Variants in CTNNA3 observed in about 807,000 individuals in gnomAD.
The protein encoded by CTNNA3 is catenin alpha 3.
Under a neutral mutation model 95.7 loss-of-function variants are expected in CTNNA3, and 76 were observed. That is an observed-to-expected ratio of 0.79 (90% confidence interval 0.66 to 0.96). The LOEUF is 0.96. Ranked by LOEUF, CTNNA3 falls within the 40% of genes least tolerant of loss-of-function variation. The pLI is 0.00. For synonymous variants in CTNNA3, 431 were observed against 374.4 expected (o/e 1.15, Z -1.74); for missense variants, 1,191 against 1,089.8 (o/e 1.09, Z -1.31).
At chr10:66,641,066 T>C (rs1248185008) in intron 9 of CTNNA3, among the ~76,000 whole-genome samples, 1 of 152,174 alleles carries the variant, frequency 6.6e-6, no homozygotes, top group Non-Finnish European at 1.5e-5. Context: ...TAGAAGTATA[T>C]GTATATATGT....
chr10:66,080,425 T>C (rs954096545), intron 14 of CTNNA3, among the ~76,000 whole-genome samples: 2 of 152,188 alleles, frequency 1.3e-5, no homozygotes, highest in South Asian at 4.1e-4. Flanking sequence ...GTCATTTGTG[T>C]ACATGTGAAG....
At chr10:67,620,923 G>GTGTATATATATATATATATATATATATA (rs1402402526) in intron 2 of CTNNA3, among the ~76,000 whole-genome samples, 5 of 123,826 alleles carry the variant, frequency 4.0e-5, no homozygotes, top group African/African-American at 1.2e-4. Flanking sequence ...GTGTGTGTGT[G>GTGTATATATATATATATATATATATATA]TATATATATA....
intron 5 of CTNNA3, among the ~76,000 whole-genome samples, chr10:67,262,676 C>T (rs1312367580): frequency 6.6e-6 from 1 of 152,002 alleles, no homozygotes; most frequent in African/African-American, 2.4e-5. Context: ...AAAGGCTGTC[C>T]GTGGATCTTT....
At chr10:66,220,233 GCA>G (rs72176695) in intron 13 of CTNNA3, among the ~76,000 whole-genome samples, 32,171 of 152,094 alleles carry the variant, frequency 0.21, 3,582 homozygotes, top group South Asian at 0.29. Flanking sequence ...GTGGTTTTAA[GCA>G]CAGTTTAGAT....
At chr10:67,158,285 T>TGGC (rs1861394510) in intron 7 of CTNNA3, among the ~76,000 whole-genome samples, 1 of 152,000 alleles carries the variant, frequency 6.6e-6, no homozygotes, top group East Asian at 1.9e-4. Flanking sequence ...AATTATATAA[T>TGGC]ACTATAGGCC....
At chr10:66,760,605 T>C (rs1839563248) in intron 9 of CTNNA3, among the ~76,000 whole-genome samples, 2 of 152,162 alleles carry the variant, frequency 1.3e-5, no homozygotes, top group Non-Finnish European at 2.9e-5. Context: ...CATTTGAAAA[T>C]ATCTATACTT....
chr10:67,208,522 G>C (rs953574125), intron 6 of CTNNA3, among the ~76,000 whole-genome samples: 2 of 151,928 alleles, frequency 1.3e-5, no homozygotes, highest in Non-Finnish European at 2.9e-5. Flanking sequence ...GACCAGAAAA[G>C]AAAGCCAAAA....
intron 5 of CTNNA3, among the ~76,000 whole-genome samples, chr10:67,237,662 G>A (rs1047655592): frequency 5.9e-5 from 9 of 152,170 alleles, no homozygotes; most frequent in African/African-American, 1.4e-4. Context: ...ATGAAAAGGC[G>A]AGGAAGGTGC....
chr10:66,408,654 C>A (rs2093076300), intron 11 of CTNNA3, among the ~76,000 whole-genome samples: 1 of 152,122 alleles, frequency 6.6e-6, no homozygotes, highest in Admixed American at 6.5e-5. Flanking sequence ...TCCATTTATT[C>A]TTTCAATAAT....
chr10:66,842,461 G>A (rs1450560717), intron 7 of CTNNA3, among the ~76,000 whole-genome samples: 1 of 152,150 alleles, frequency 6.6e-6, no homozygotes, highest in Non-Finnish European at 1.5e-5. Flanking sequence ...ATGAATCAAT[G>A]CCAGTAACCC....
intron 1 of CTNNA3, among the ~76,000 whole-genome samples, chr10:67,724,339 T>C (rs1279850306): frequency 1.3e-5 from 2 of 152,188 alleles, no homozygotes; most frequent in African/African-American, 4.8e-5. Context: ...ATCCCTGGTA[T>C]ATGGTATCTC....
chr10:66,595,411 T>G (rs2132240720), intron 10 of CTNNA3, among the ~76,000 whole-genome samples: 1 of 152,178 alleles, frequency 6.6e-6, no homozygotes, highest in African/African-American at 2.4e-5. Context: ...TGGCGCGTTC[T>G]TGGCTCACTG....
chr10:66,333,246 T>C (rs1355719903), intron 12 of CTNNA3, among the ~76,000 whole-genome samples: 1 of 152,122 alleles, frequency 6.6e-6, no homozygotes, highest in Non-Finnish European at 1.5e-5. Flanking sequence ...TGCTCTGATC[T>C]TAGTTATTTC....
chr10:66,387,108 A>C (rs1363032399), intron 11 of CTNNA3, among the ~76,000 whole-genome samples: 1 of 152,206 alleles, frequency 6.6e-6, no homozygotes, highest in East Asian at 1.9e-4. Context: ...GATCTAATTA[A>C]ACTGAAGAGC....
intron 7 of CTNNA3, among the ~76,000 whole-genome samples, chr10:66,895,926 AAAAAAAAAAG>A (rs1207372351): frequency 1.8e-4 from 27 of 151,198 alleles, no homozygotes; most frequent in African/African-American, 6.5e-4. Context: ...AAAAAAAAAA[AAAAAAAAAAG>A]AACACACAGA....
chr10:66,826,427 C>T (rs1020470476), intron 7 of CTNNA3, among the ~76,000 whole-genome samples: 5 of 152,120 alleles, frequency 3.3e-5, no homozygotes, highest in African/African-American at 1.2e-4. Flanking sequence ...CAGGCTCACA[C>T]CATCACGTCT....
At chr10:66,028,400 G>A (rs570768046) in intron 15 of CTNNA3, among the ~76,000 whole-genome samples, 2 of 152,290 alleles carry the variant, frequency 1.3e-5, no homozygotes, top group African/African-American at 4.8e-5. Context: ...ATGCACCATG[G>A]AATACTATGC....
intron 10 of CTNNA3, among the ~76,000 whole-genome samples, chr10:66,573,511 A>G (rs1842926861): frequency 6.6e-6 from 1 of 152,186 alleles, no homozygotes; most frequent in African/African-American, 2.4e-5. Context: ...AAAGTGCTTC[A>G]CAAAATTTTA....
chr10:67,019,253 C>G (rs1230297546), intron 7 of CTNNA3, among the ~76,000 whole-genome samples: 1 of 152,140 alleles, frequency 6.6e-6, no homozygotes, highest in Admixed American at 6.5e-5. Context: ...TAGTCTCGCT[C>G]TGTTGCCCAG....
Sources: allele counts gnomAD v4.1 joint callset (sites outside exome capture counted in the v4.1 genomes callset), GRCh38; gene constraint gnomAD v4.1.1; transcripts MANE v1.5; gene names NCBI Gene and HGNC (gene_info 2026-07-23, HGNC 2026-07-21).